Variants in DNAH9 observed in about 807,000 individuals in gnomAD.
DNAH9 encodes dynein axonemal heavy chain 9, also known as DNAH9 variant protein.
DNAH9 carries 345 observed loss-of-function variants against 471.6 expected under a neutral mutation model. The observed-to-expected ratio is 0.73, with a 90% CI of 0.67 to 0.80. The LOEUF (loss-of-function observed/expected upper bound fraction) is 0.80, where lower values mean the gene tolerates loss of function less well. DNAH9 is among the 30% of genes least tolerant of loss of function. The pLI, the probability that DNAH9 is intolerant of heterozygous loss-of-function variation, is 0.00. For missense variants in DNAH9, 5,407 were observed against 5,609.2 expected (o/e 0.96, Z 1.15); for synonymous variants, 2,093 against 2,123.6 (o/e 0.99, Z 0.40).
At chr17:11,816,355 G>GGTCA (rs2150934315) in intron 45 of DNAH9, among the ~76,000 whole-genome samples, 1 of 152,070 alleles carries the variant, frequency 6.6e-6, no homozygotes, top group Non-Finnish European at 1.5e-5. Context: ...TCGTTTATAC[G>GGTCA]GTCAGCTCTT....
chr17:11,936,388 G>C (rs1301150405), intron 65 of DNAH9, among the ~76,000 whole-genome samples: 2 of 152,142 alleles, frequency 1.3e-5, no homozygotes, highest in Non-Finnish European at 2.9e-5. Flanking sequence ...CCAGAACTTT[G>C]GAAAGTCAAG....
rs1444705988 is a variant in DNAH9 at position 11,752,865 on chromosome 17, A to C, written c.6643A>C (p.Asn2215His). Residue 2215 changes from asparagine (N) to histidine (H), a missense_variant, in exon 33 of 69, where the codon AAC becomes CAC. By Grantham distance (68) the Asn-to-His change is moderately conservative. Transcript: ENST00000262442. ...LFSSIMRELA[N>H]ITHDGPKWIL... ...CTCTTCCATCATGCGGGAGCTTGCC[A>C]ACATCACCCATGATGGGCCCAAGTG... is the stretch of plus-strand genomic sequence containing the variant. 1 of 1,606,010 alleles carries C rather than the reference A, an allele frequency of 6.2e-7. No individual in the cohort carries two copies. Among genetic ancestry groups the C allele is most frequent in the East Asian group, 2.2e-5 (1 of 44,698 alleles).
Position 11,784,399 on chromosome 17 carries a change from C to G in DNAH9, c.7921C>G (p.Pro2641Ala). ...LTQHLKLGNF[P>A]ASLQKSIPPL... ...TCAGCATCTGAAGCTCGGAAACTTCCCGGCGTCCCTGCAGAAATCCATCCC... is the reference window on the plus strand; with the variant it reads ...TCAGCATCTGAAGCTCGGAAACTTCGCGGCGTCCCTGCAGAAATCCATCCC... Residue 2641 changes from proline to alanine, a missense_variant, in exon 41 of 69, where the codon CCG becomes GCG. Coordinates refer to ENST00000262442, the MANE Select transcript of DNAH9 (RefSeq NM_001372.4). 1 of 1,614,164 alleles carries G rather than the reference C, an allele frequency of 6.2e-7. No individual in the cohort carries two copies. Among genetic ancestry groups the G allele is most frequent in the Non-Finnish European group, 8.5e-7 (1 of 1,180,030 alleles).
chr17:11,635,850 G>A (rs76692106), intron 8 of DNAH9, among the ~76,000 whole-genome samples: 2,058 of 152,190 alleles, frequency 0.014, 49 homozygotes, highest in African/African-American at 0.047. Context: ...CCATTCTCAC[G>A]GCACCTGCTC....
At chr17:11,609,585 T>G (rs1199530231) in intron 2 of DNAH9, among the ~76,000 whole-genome samples, 1 of 152,186 alleles carries the variant, frequency 6.6e-6, no homozygotes, top group Non-Finnish European at 1.5e-5. Context: ...GAAGTGGAAG[T>G]GGGTTTCTGA....
At chr17:11,768,991 C>T (rs1968085390) in intron 37 of DNAH9, 131 bp from the exon 38 acceptor site, 1 of 923,030 alleles carries the variant, frequency 1.1e-6, no homozygotes, top group Non-Finnish European at 1.7e-6. Flanking sequence ...GGAAGATACT[C>T]CTGACCGGTG....
chr17:11,614,844 G>A (rs774029400), intron 4 of DNAH9, among the ~76,000 whole-genome samples: 4 of 152,226 alleles, frequency 2.6e-5, no homozygotes, highest in Non-Finnish European at 5.9e-5. Flanking sequence ...TCATGAGGGA[G>A]AAGCTCTCAT....
In DNAH9 at chr17:11,822,920, T is replaced by G. The variant is rs746648459; in HGVS notation, c.9132T>G (p.Phe3044Leu). The G allele has an allele frequency of 6.2e-6, 10 of 1,614,096 alleles. No individual in the cohort carries two copies. The highest frequency in any genetic ancestry group is 6.8e-6 in the Non-Finnish European group (8 of 1,180,050). ...QRYNYTTPKS[F>L]LEFIRLYQSL... ...ACAACTATACAACTCCCAAGTCCTT[T>G]CTGGAGTTCATCAGACTCTACCAGA... The change falls in exon 48 of 69, where the codon TTT becomes TTG. Residue 3044 changes from phenylalanine (F) to leucine (L), a missense_variant. This residue lies in a region of DNAH9 where 4,636 missense variants were observed against 4,900.3 expected (regional missense o/e 0.95). Coordinates refer to ENST00000262442, the MANE Select transcript of DNAH9 (RefSeq NM_001372.4).
chr17:11,880,143 A>C lies in DNAH9; in HGVS notation c.10544A>C (p.Glu3515Ala). The change falls in exon 54 of 69, where the codon GAG becomes GCG. Residue 3515 changes from glutamate to alanine, a missense_variant. Transcript: ENST00000262442. ...GAVVLIENLE[E>A]SIDPVLGPLL... ...GTGGTGCTGATTGAAAATCTAGAGG[A>C]GTCCATTGATCCTGTTCTGGGACCC... 1 of 1,614,008 alleles carries C rather than the reference A, an allele frequency of 6.2e-7. No homozygotes were observed. Among genetic ancestry groups the C allele is most frequent in the South Asian group, 1.1e-5 (1 of 91,074 alleles).
intron 6 of DNAH9, among the ~76,000 whole-genome samples, chr17:11,625,886 T>C (rs1347165785): frequency 6.6e-6 from 1 of 152,114 alleles, no homozygotes; most frequent in East Asian, 1.9e-4. Context: ...GACATCAGAG[T>C]GATCATGGTT....
rs112289163 is a variant in DNAH9, at chr17:11,638,713, T to G, written c.1787-1557T>G. On this transcript the variant is annotated intron_variant, in intron 9 of 68. Transcript: ENST00000262442. ...AGCTCACACTTCTGTAGGTCAGGAG[T>G]CCAGCATGGTGCATCTGGGTTCTCT... 7.9e-5 allele frequency among the ~76,000 whole-genome samples: 12 copies of G among 152,042 alleles called. 1 individual carries two copies. Among genetic ancestry groups the G allele is most frequent in the African/African-American group, 2.9e-4 (12 of 41,488 alleles).
At chr17:11,620,257 G>A (rs1465651630) in intron 6 of DNAH9, among the ~76,000 whole-genome samples, 2 of 152,144 alleles carry the variant, frequency 1.3e-5, no homozygotes, top group East Asian at 1.9e-4. Flanking sequence ...GCTCATGCCT[G>A]TAATCCCAGC....
At chr17:11,787,859 C>T (rs1397718280) in intron 41 of DNAH9, among the ~76,000 whole-genome samples, 1 of 152,132 alleles carries the variant, frequency 6.6e-6, no homozygotes, top group African/African-American at 2.4e-5. Context: ...TCTCTTGCCA[C>T]CACCATGTAA....
intron 9 of DNAH9, among the ~76,000 whole-genome samples, chr17:11,638,735 C>G (rs2073209892): frequency 6.6e-6 from 1 of 152,148 alleles, no homozygotes; most frequent in Non-Finnish European, 1.5e-5. Flanking sequence ...CATCTGGGTT[C>G]TCTACTCAGA....
At chr17:11,857,425 C>CG (rs1971665594) in intron 50 of DNAH9, among the ~76,000 whole-genome samples, 1 of 152,298 alleles carries the variant, frequency 6.6e-6, no homozygotes, top group Admixed American at 6.5e-5. Context: ...GATGGGCTAA[C>CG]ACCCATCCCT....
chr17:11,812,748 A>T (rs1355718172), intron 45 of DNAH9, among the ~76,000 whole-genome samples: 1 of 151,984 alleles, frequency 6.6e-6, no homozygotes, highest in African/African-American at 2.4e-5. Context: ...CAACTCTTAC[A>T]CCTTTTCTCC....
chr17:11,908,830 G>A (rs186836052), intron 61 of DNAH9, among the ~76,000 whole-genome samples: 23 of 152,310 alleles, frequency 1.5e-4, no homozygotes. Flanking sequence ...TTCCGCGGAT[G>A]CCGGGTGTTT....
chr17:11,933,810 T>A (rs1312754425), intron 64 of DNAH9, 70 bp from the exon 65 acceptor site: 1 of 1,439,770 alleles, frequency 6.9e-7, no homozygotes, highest in Non-Finnish European at 9.5e-7. Flanking sequence ...GCTGCCCAGA[T>A]GGGAGGCCAG....
At chr17:11,667,901 G>A (rs886790454) in intron 15 of DNAH9, among the ~76,000 whole-genome samples, 1 of 152,176 alleles carries the variant, frequency 6.6e-6, no homozygotes, top group East Asian at 1.9e-4. Flanking sequence ...TCAAATCCCA[G>A]TTATTACTCT....
Sources: gnomAD v4.1 joint callset for allele counts (sites outside exome capture counted in the v4.1 genomes callset) on GRCh38, gnomAD v4.1.1 for gene constraint, gnomAD v4.1.1 regional missense constraint, MANE v1.5 for transcripts, NCBI Gene and HGNC (gene_info 2026-07-23, HGNC 2026-07-21) for gene names.